The following ZNF169 variants were observed in gnomAD, a reference collection of about 807,000 sequenced individuals.
ZNF169 encodes zinc finger protein 169.
A neutral mutation model predicts 12.0 loss-of-function variants in ZNF169; 11 were observed. The observed-to-expected ratio is 0.92, with a 90% CI of 0.58 to 1.52. The LOEUF is 1.52. Among genes scored for constraint, ZNF169 ranks in the 40% most tolerant of loss-of-function variants. ZNF169 has a pLI of 0.00. For synonymous variants in ZNF169, 302 were observed against 286.5 expected (o/e 1.05, Z -0.55); for missense variants, 722 against 744.0 (o/e 0.97, Z 0.34).
rs1411054216 is a variant in ZNF169, at chr9:94,301,193, T to A, written c.1635T>A (p.Asp545Glu). ...CAGGAGAGAAGCCCTGCATTTGCGA[T>A]GAATGTGGGCGCGGCTTTGGCTTTA... Reference protein sequence around the residue: ...THSGEKPCICDECGRGFGFKS... With the variant: ...THSGEKPCICEECGRGFGFKS... The change falls in exon 5 of 5, where the codon GAT (aspartate) becomes GAA (glutamate). Residue 545 changes from aspartate to glutamate, a missense_variant. Transcript: ENST00000395395. 2 of 1,614,006 alleles carry A rather than the reference T, an allele frequency of 1.2e-6. No individual in the cohort carries two copies. The highest frequency in any genetic ancestry group is 2.2e-5 in the East Asian group (1 of 44,874).
In ZNF169 at chr9:94,292,334, G is replaced by T; in HGVS notation, c.34-7G>T. 2 of 1,614,118 alleles carry T rather than the reference G, an allele frequency of 1.2e-6. No homozygotes were observed. The highest frequency in any genetic ancestry group is 1.7e-6 in the Non-Finnish European group (2 of 1,180,036). On this transcript the variant is annotated splice_region_variant and splice_polypyrimidine_tract_variant and intron_variant, in intron 2 of 4. Transcript: ENST00000395395. Reference sequence around the variant, plus strand: ...GTTGAGTGAGCAGGGATGTGTTTGTGTTACAGGCATTGATGGCCTTCCGGG... The same window carrying T: ...GTTGAGTGAGCAGGGATGTGTTTGTTTTACAGGCATTGATGGCCTTCCGGG...
At chr9:94,289,982 T>C (rs1366330328) in intron 2 of ZNF169, among the ~76,000 whole-genome samples, 2 of 152,244 alleles carry the variant, frequency 1.3e-5, no homozygotes, top group Admixed American at 1.3e-4. Flanking sequence ...ATTCTTTTCA[T>C]GTGCCTTTAG....
Position 94,300,824 on chromosome 9 carries a change from G to T in ZNF169, c.1266G>T (p.Arg422Ser), listed in dbSNP as rs191775786. ...AGGTCACTCTCATCAGGCACCAGAGGACACACACAGGGGAGAAGCCTTACC... is the reference window on the plus strand; with the variant it reads ...AGGTCACTCTCATCAGGCACCAGAGTACACACACAGGGGAGAAGCCTTACC... The part of the protein sequence containing the change: ...RQKVTLIRHQ[R>S]THTGEKPYLC... The change falls in exon 5 of 5, where the codon AGG (arginine) becomes AGT (serine). Residue 422 changes from arginine to serine, a missense_variant. Arg to Ser is a moderately radical substitution (Grantham distance 110, BLOSUM62 -1). Transcript: ENST00000395395. 1.7e-5 allele frequency: 28 copies of T among 1,613,760 alleles called. No individual in the cohort carries two copies. In the Admixed American group the frequency reaches 4.5e-4, roughly 26 times the overall value.
intron 2 of ZNF169, among the ~76,000 whole-genome samples, chr9:94,291,244 G>T (rs1449269689): frequency 1.3e-5 from 2 of 151,696 alleles, no homozygotes; most frequent in African/African-American, 4.8e-5. Flanking sequence ...GGTAGAGATG[G>T]TGTTTTACCA....
At chr9:94,284,071 CAAAAAAAAAAAA>C (rs35204508) in intron 2 of ZNF169, among the ~76,000 whole-genome samples, 1 of 50,454 alleles carries the variant, frequency 2.0e-5, no homozygotes, top group African/African-American at 7.5e-5. Context: ...GACTCTGTCT[CAAAAAAAAAAAA>C]AAAAAAAAAA....
chr9:94,287,947 A>G, intron 2 of ZNF169: 1 of 842,812 alleles, frequency 1.2e-6, no homozygotes, highest in South Asian at 1.3e-5. Context: ...GCAGTCTCCA[A>G]CTTCTTGTTC....
intron 1 of ZNF169, among the ~76,000 whole-genome samples, chr9:94,260,005 G>A (rs938660479): frequency 6.6e-6 from 1 of 152,076 alleles, no homozygotes; most frequent in African/African-American, 2.4e-5. Context: ...CCCAGCCGCC[G>A]GGTTCAAGCC....
intron 2 of ZNF169, among the ~76,000 whole-genome samples, chr9:94,285,118 G>A (rs969989347): frequency 1.3e-5 from 2 of 152,120 alleles, no homozygotes; most frequent in Non-Finnish European, 2.9e-5. Context: ...AAGGGTGGAT[G>A]TCGAGATCCT....
chr9:94,299,674 T>G (rs1250615207), intron 4 of ZNF169, 141 bp from the exon 5 acceptor site: 1 of 1,438,608 alleles, frequency 7.0e-7, no homozygotes, highest in Non-Finnish European at 9.1e-7. Context: ...GTGGGTTTTC[T>G]GTGCTGCAAT....
At chr9:94,282,237 T>C (rs967986489) in intron 2 of ZNF169, among the ~76,000 whole-genome samples, 21 of 151,260 alleles carry the variant, frequency 1.4e-4, no homozygotes, top group Non-Finnish European at 2.6e-4. Flanking sequence ...CCCAGACCCC[T>C]TAGATAGGAA....
chr9:94,290,283 A>G (rs1587685341), intron 2 of ZNF169, among the ~76,000 whole-genome samples: 1 of 152,328 alleles, frequency 6.6e-6, no homozygotes, highest in African/African-American at 2.4e-5. Context: ...AAAATTGACT[A>G]TATATTTTTA....
intron 1 of ZNF169, among the ~76,000 whole-genome samples, chr9:94,273,231 C>T (rs1411964947): frequency 2.0e-5 from 3 of 151,896 alleles, no homozygotes; most frequent in African/African-American, 4.8e-5. Context: ...GATGTAGTCC[C>T]GTTTGTCTAT....
chr9:94,263,635 T>C (rs1049148920), intron 1 of ZNF169, among the ~76,000 whole-genome samples: 1 of 152,100 alleles, frequency 6.6e-6, no homozygotes, highest in Non-Finnish European at 1.5e-5. Context: ...GCAATCCTCC[T>C]GTCTCAGCCT....
At chr9:94,265,021 GTTTTTTTTTT>G (rs55756013) in intron 1 of ZNF169, among the ~76,000 whole-genome samples, 1 of 90,684 alleles carries the variant, frequency 1.1e-5, no homozygotes, top group Non-Finnish European at 2.0e-5. Flanking sequence ...TCTGTACCCT[GTTTTTTTTTT>G]TTTTTTTTTT....
rs1290265915 is a variant in ZNF169, at chr9:94,300,501, G to T, written c.943G>T (p.Glu315Ter). 2.5e-6 allele frequency: 4 copies of T among 1,614,118 alleles called. No homozygotes were observed. The South Asian group carries it at 3.3e-5, about 13-fold the overall frequency. The change falls in exon 5 of 5, where the codon GAG becomes TAG. Residue 315 changes from glutamate (E) to a stop codon, truncating the protein, a stop_gained. Transcript: ENST00000395395. LOFTEE classifies it low-confidence loss of function (END_TRUNC). ...LTNHKRIHSG[E>*]RPFVCQECGR... ...TAATCACAAGAGGATTCACTCCGGG[G>T]AGAGGCCCTTTGTATGTCAGGAGTG... is the stretch of plus-strand genomic sequence containing the variant.
chr9:94,285,584 G>A (rs1390612019), intron 2 of ZNF169, among the ~76,000 whole-genome samples: 1 of 152,072 alleles, frequency 6.6e-6, no homozygotes, highest in Admixed American at 6.6e-5. Context: ...AACCCAATAA[G>A]TCTATGTCAG....
At chr9:94,260,918 T>A (rs1354342515) in intron 1 of ZNF169, among the ~76,000 whole-genome samples, 1 of 144,552 alleles carries the variant, frequency 6.9e-6, no homozygotes, top group Non-Finnish European at 1.5e-5. Context: ...CCTCCCGGGT[T>A]CAAGCAATTC....
chr9:94,298,487 C>T (rs1830994387), intron 4 of ZNF169, among the ~76,000 whole-genome samples: 1 of 151,948 alleles, frequency 6.6e-6, no homozygotes, highest in Admixed American at 6.6e-5. Context: ...TCGAGACCAG[C>T]CTGGCCAACA....
intron 2 of ZNF169, chr9:94,288,113 A>G: frequency 2.4e-6 from 2 of 822,138 alleles, no homozygotes; most frequent in Non-Finnish European, 4.3e-6. Flanking sequence ...GCCAGCCCTC[A>G]TAACCCAGCA....
Sources: allele counts gnomAD v4.1 joint callset (sites outside exome capture counted in the v4.1 genomes callset), GRCh38; gene constraint gnomAD v4.1.1; transcripts MANE v1.5; gene names NCBI Gene and HGNC (gene_info 2026-07-23, HGNC 2026-07-21).